SUPT3H: variants seen among roughly 807,000 people sequenced by gnomAD.
SUPT3H encodes the protein SPT3 homolog, SAGA and STAGA complex component, also known as transcription initiation protein SPT3 homolog.
A neutral mutation model predicts 44.3 loss-of-function variants in SUPT3H; 44 were observed. The ratio of observed to expected loss-of-function variants is 0.99; its 90% confidence interval spans 0.78 to 1.28. SUPT3H has a LOEUF of 1.28. Among genes scored for constraint, SUPT3H ranks in the 50% most tolerant of loss-of-function variants. The pLI is 0.00. For missense variants in SUPT3H, 380 were observed against 387.1 expected, an observed-to-expected ratio of 0.98 and a Z score of 0.15; for synonymous variants, 124 against 125.6, an observed-to-expected ratio of 0.99 and a Z score of 0.09.
rs369811834 is a variant in SUPT3H, at chr6:45,320,198, T to C, written c.101+45003A>G. Among the ~76,000 whole-genome samples, 7 of 152,236 alleles carry C rather than the reference T, an allele frequency of 4.6e-5. No homozygotes were observed. In the East Asian group the frequency reaches 9.6e-4, roughly 21 times the overall value. ...AATATATAAATAAGAAACATGATCT[T>C]CATTATTACAAGTCATTCTTGCCTG... On this transcript the variant is annotated intron_variant, in intron 2 of 10. Transcript: ENST00000371459.
chr6:44,989,960 T>C (rs796974484), intron 6 of SUPT3H, among the ~76,000 whole-genome samples: 1 of 152,138 alleles, frequency 6.6e-6, no homozygotes, highest in South Asian at 2.1e-4. Context: ...CTTTTCATAT[T>C]GTTGACTTTT....
intron 10 of SUPT3H, among the ~76,000 whole-genome samples, chr6:44,899,604 T>C (rs546739237): frequency 6.6e-6 from 1 of 152,254 alleles, no homozygotes; most frequent in South Asian, 2.1e-4. Flanking sequence ...GGAGAATCGT[T>C]TGAACCCGGG....
At chr6:44,979,684 G>A (rs1330007066) in intron 6 of SUPT3H, among the ~76,000 whole-genome samples, 2 of 152,050 alleles carry the variant, frequency 1.3e-5, no homozygotes, top group African/African-American at 4.8e-5. Context: ...TGACAGCCAA[G>A]AATTATCTGC....
At chr6:45,065,278 A>T (rs1262496025) in intron 3 of SUPT3H, among the ~76,000 whole-genome samples, 91 of 144,862 alleles carry the variant, frequency 6.3e-4, no homozygotes, top group African/African-American at 2.2e-3. Flanking sequence ...CAAAGACACA[A>T]CATACCAGAA....
chr6:45,320,658 G>A (rs985395518), intron 2 of SUPT3H, among the ~76,000 whole-genome samples: 2 of 152,014 alleles, frequency 1.3e-5, no homozygotes, highest in East Asian at 1.9e-4. Context: ...GCTTTCACAC[G>A]GCAATGGCAG....
At chr6:45,032,399 A>T (rs1237389311) in intron 3 of SUPT3H, among the ~76,000 whole-genome samples, 1 of 152,180 alleles carries the variant, frequency 6.6e-6, no homozygotes, top group Non-Finnish European at 1.5e-5. Flanking sequence ...TGTAGTAAAG[A>T]CAAATAGAGA....
At chr6:45,166,922 G>T (rs1452920154) in intron 2 of SUPT3H, among the ~76,000 whole-genome samples, 1 of 152,226 alleles carries the variant, frequency 6.6e-6, no homozygotes, top group Non-Finnish European at 1.5e-5. Flanking sequence ...TGCATTGCTT[G>T]CAGGGAAGTA....
intron 3 of SUPT3H, among the ~76,000 whole-genome samples, chr6:45,056,046 T>C (rs1051320817): frequency 2.0e-5 from 3 of 152,066 alleles, no homozygotes; most frequent in African/African-American, 7.2e-5. Flanking sequence ...AAAGAATATA[T>C]ACAAATGATC....
At chr6:45,239,704 T>C (rs1373761588) in intron 2 of SUPT3H, among the ~76,000 whole-genome samples, 1 of 152,222 alleles carries the variant, frequency 6.6e-6, no homozygotes, top group African/African-American at 2.4e-5. Flanking sequence ...ACAGCTTCTA[T>C]TAAAACAGAT....
intron 2 of SUPT3H, among the ~76,000 whole-genome samples, chr6:45,252,653 G>T (rs1772578989): frequency 6.6e-6 from 1 of 151,144 alleles, no homozygotes; most frequent in African/African-American, 2.4e-5. Context: ...AAAAAAAAAA[G>T]GATGCTGTCA....
intron 6 of SUPT3H, among the ~76,000 whole-genome samples, chr6:44,991,622 C>A (rs1015622272): frequency 5.5e-4 from 83 of 152,002 alleles, no homozygotes; most frequent in African/African-American, 1.8e-3. Context: ...TGGGTTCAAG[C>A]GTTAATCCAA....
chr6:44,879,100 G>A (rs1408431838), intron 10 of SUPT3H, among the ~76,000 whole-genome samples: 2 of 152,152 alleles, frequency 1.3e-5, no homozygotes, highest in African/African-American at 2.4e-5. Flanking sequence ...TGGAAAGGGG[G>A]CTGAAGCCAG....
chr6:45,296,890 C>T (rs1343542742), intron 2 of SUPT3H, among the ~76,000 whole-genome samples: 13 of 147,464 alleles, frequency 8.8e-5, no homozygotes, highest in African/African-American at 2.8e-4. Flanking sequence ...TGCCACTGCA[C>T]TCTGCATTCC....
chr6:45,023,107 G>C (rs966801053), intron 3 of SUPT3H, among the ~76,000 whole-genome samples: 2 of 151,942 alleles, frequency 1.3e-5, no homozygotes, highest in Non-Finnish European at 2.9e-5. Context: ...AGTGGGCAAA[G>C]GAGAAGAACA....
chr6:44,825,872 A>G (rs1420692870), downstream of SUPT3H, among the ~76,000 whole-genome samples: 1 of 152,162 alleles, frequency 6.6e-6, no homozygotes, highest in Non-Finnish European at 1.5e-5. Flanking sequence ...CAGAAAAGGG[A>G]TCATGAACAC....
intron 1 of SUPT3H, among the ~76,000 whole-genome samples, chr6:45,367,431 AGAAAC>A (rs759358648): frequency 6.6e-6 from 1 of 152,254 alleles, no homozygotes; most frequent in East Asian, 1.9e-4. Flanking sequence ...ACACAGGAAA[AGAAAC>A]ATAACCATTT....
intron 2 of SUPT3H, among the ~76,000 whole-genome samples, chr6:45,349,875 A>T (rs1791661721): frequency 3.3e-5 from 5 of 152,224 alleles, no homozygotes; most frequent in Admixed American, 3.3e-4. Context: ...AATTCCTTTT[A>T]CATCTCCTTT....
intron 2 of SUPT3H, among the ~76,000 whole-genome samples, chr6:45,162,347 G>T (rs1283647567): frequency 6.6e-6 from 1 of 151,894 alleles, no homozygotes; most frequent in Non-Finnish European, 1.5e-5. Flanking sequence ...AACATAGCAA[G>T]ATCCCTTCTC....
intron 10 of SUPT3H, among the ~76,000 whole-genome samples, chr6:44,889,648 C>T (rs1177806502): frequency 6.6e-6 from 1 of 152,128 alleles, no homozygotes; most frequent in African/African-American, 2.4e-5. Context: ...AGACCTAAAA[C>T]CATAAAAACC....
Sources: allele counts gnomAD v4.1 joint callset (sites outside exome capture counted in the v4.1 genomes callset), GRCh38; gene constraint gnomAD v4.1.1; transcripts MANE v1.5; gene names NCBI Gene and HGNC (gene_info 2026-07-23, HGNC 2026-07-21).